Variants in POLR3H observed in about 807,000 individuals in gnomAD.
POLR3H encodes DNA-directed RNA polymerase III subunit RPC8.
Under a neutral mutation model 25.5 loss-of-function variants are expected in POLR3H, and 17 were observed. That is an observed-to-expected ratio of 0.67 (90% confidence interval 0.46 to 1.00). The LOEUF (loss-of-function observed/expected upper bound fraction) is 1.00. Among genes scored for constraint, POLR3H ranks in the 50% least tolerant of loss-of-function variants. The pLI, the probability that POLR3H is intolerant of heterozygous loss-of-function variation, is 0.00. For synonymous variants in POLR3H, 129 were observed against 103.0 expected, an observed-to-expected ratio of 1.25 and a Z score of -1.53; for missense variants, 274 against 265.0, an observed-to-expected ratio of 1.03 and a Z score of -0.24.
Position 41,526,518 on chromosome 22 carries a change from A to G in POLR3H, c.*2765T>C. The G allele has an allele frequency of 1.3e-6, 2 of 1,541,436 alleles. No individual in the cohort carries two copies. The highest frequency in any genetic ancestry group is 1.8e-6 in the Non-Finnish European group (2 of 1,136,566). ...CTGAAGGGGCCTGCAAGGCAGGTGC[A>G]GGGAGGACATTAGGGGAGTGGAAAC... On this transcript the variant is annotated 3_prime_UTR_variant, in exon 6 of 6. Transcript: ENST00000355209.
intron 2 of POLR3H, among the ~76,000 whole-genome samples, chr22:41,537,662 G>C (rs529754844): frequency 6.6e-6 from 1 of 152,314 alleles, no homozygotes; most frequent in African/African-American, 2.4e-5. Flanking sequence ...CAGGAGACCA[G>C]AGCCAGAATT....
At chr22:41,535,601 C>T (rs900917065) in intron 2 of POLR3H, among the ~76,000 whole-genome samples, 2 of 151,240 alleles carry the variant, frequency 1.3e-5, no homozygotes, top group Non-Finnish European at 1.5e-5. Context: ...CCGAGGCGGG[C>T]GGATCACTTG....
intron 2 of POLR3H, chr22:41,540,303 T>G (rs2066908891): frequency 8.6e-6 from 3 of 348,110 alleles, no homozygotes; most frequent in Non-Finnish European, 1.7e-5. Flanking sequence ...AGCTATGAAG[T>G]CAGAGCTGAA....
In POLR3H at chr22:41,527,606, G is replaced by A. The variant is rs1467210621; in HGVS notation, c.*1677C>T. The A allele has an allele frequency of 1.0e-5, 9 of 891,310 alleles. No homozygotes were observed. Among genetic ancestry groups the A allele is most frequent in the African/African-American group, 3.4e-5 (2 of 59,254 alleles). 55.2% of individuals were successfully genotyped at this position (891,310 alleles called of 1,614,324 possible). On this transcript the variant is annotated 3_prime_UTR_variant, in exon 6 of 6. Coordinates refer to ENST00000355209, the MANE Select transcript of POLR3H (RefSeq NM_001018050.4). The stretch of plus-strand genomic sequence containing the variant: ...CCGACGCTCAGCTTCCCGGCTTCCC[G>A]CAGGCCCTGCTTCCAGGCTTGTAGA...
In POLR3H at chr22:41,526,773, C is replaced by T. The variant is rs1412739732; in HGVS notation, c.*2510G>A. On this transcript the variant is annotated 3_prime_UTR_variant, in exon 6 of 6. Coordinates refer to ENST00000355209, the MANE Select transcript of POLR3H (RefSeq NM_001018050.4). Reference sequence around the variant, plus strand: ...CCAAAAGCTCAGAGAGGGGGCTACACGGGGCCTCACAGTGAGCAGGCAGAG... The same window carrying T: ...CCAAAAGCTCAGAGAGGGGGCTACATGGGGCCTCACAGTGAGCAGGCAGAG... 15 of 349,080 alleles carry T rather than the reference C, an allele frequency of 4.3e-5. No individual in the cohort carries two copies. The highest frequency in any genetic ancestry group is 3.7e-4 in the East Asian group (7 of 18,988). 21.6% of individuals were successfully genotyped at this position (349,080 alleles called of 1,614,324 possible).
chr22:41,528,346 A>AG lies in POLR3H; in HGVS notation c.*936dup. On this transcript the variant is annotated 3_prime_UTR_variant, in exon 6 of 6. Transcript: ENST00000355209. ...GGGTCTGACCTGGGCCATCAGGCAC[A>AG]GACTGGCCTAGGATTTGGTTTGCCT... 1.5e-6 allele frequency: 2 copies of AG among 1,314,614 alleles called. No individual in the cohort carries two copies. The highest frequency in any genetic ancestry group is 2.1e-6 in the Non-Finnish European group (2 of 972,718). 81.4% of individuals were successfully genotyped at this position (1,314,614 alleles called of 1,614,324 possible). A position where few individuals can be genotyped will look rare whatever the true frequency, so the allele number is the denominator to read the frequency against.
In POLR3H at chr22:41,529,285, A is replaced by T; in HGVS notation, c.613T>A (p.Ter205LysextTer25). ...LGLLSWWTSN[*>K] The stretch of plus-strand genomic sequence containing the variant: ...GGGTCCACTGTCCAGCCCCAGGGCT[A>T]GTTGCTGGTCCACCAGGAGAGAAGG... Residue 205 changes from the stop codon to lysine, a stop_lost, in exon 6 of 6, where the codon TAG (stop) becomes AAG (lysine). Coordinates refer to ENST00000355209, the MANE Select transcript of POLR3H (RefSeq NM_001018050.4). 1 of 1,613,154 alleles carries T rather than the reference A, an allele frequency of 6.2e-7. No individual in the cohort carries two copies. The highest frequency in any genetic ancestry group is 8.5e-7 in the Non-Finnish European group (1 of 1,179,574).
In POLR3H at chr22:41,526,448, T is replaced by A; in HGVS notation, c.*2835A>T. 1 of 1,611,482 alleles carries A rather than the reference T, an allele frequency of 6.2e-7. No homozygotes were observed. The highest frequency in any genetic ancestry group is 8.5e-7 in the Non-Finnish European group (1 of 1,178,344). ...CCCCGTCCCTGACACTGCCCGCTAC[T>A]ACAAGGTGGGTCAGAGTTGATAGGG... On this transcript the variant is annotated 3_prime_UTR_variant, in exon 6 of 6. Transcript: ENST00000355209.
chr22:41,536,162 G>A (rs1298096664), intron 2 of POLR3H, among the ~76,000 whole-genome samples: 2 of 151,412 alleles, frequency 1.3e-5, no homozygotes, highest in Non-Finnish European at 3.0e-5. Flanking sequence ...GGAGCCCAAG[G>A]CGGGCGGATC....
chr22:41,532,403 C>A (rs192200694), intron 3 of POLR3H, among the ~76,000 whole-genome samples: 1 of 152,322 alleles, frequency 6.6e-6, no homozygotes, highest in Admixed American at 6.5e-5. Context: ...GGCCAGTGGG[C>A]GCTAAAGACT....
rs762056487 is a variant in POLR3H at position 41,543,993 on chromosome 22, T to C, written c.109A>G (p.Lys37Glu). ...AEELNKKLAN[K>E]VVYNVGLCIC... ...CCCGCGAGCCGTGGGCCCAGTACCT[T>C]GTTGGCCAACTTCTTGTTCAGCTCC... The change falls in exon 1 of 6, where the codon AAG (lysine) becomes GAG (glutamate). Residue 37 changes from lysine (K) to glutamate (E), a missense_variant and splice_region_variant. Physicochemically the swap from Lys to Glu is moderately conservative, Grantham distance 56. Transcript: ENST00000355209. 17 of 1,611,778 alleles carry C rather than the reference T, an allele frequency of 1.1e-5. No homozygotes were observed. The Admixed American group carries it at 1.7e-4, about 16-fold the overall frequency.
rs542939819 is a variant in POLR3H, at chr22:41,544,178, C to T, written c.-77G>A. 2.3e-6 allele frequency: 2 copies of T among 877,270 alleles called. No individual in the cohort carries two copies. The highest frequency in any genetic ancestry group is 3.6e-6 in the Non-Finnish European group (2 of 554,694). The allele number at this position is 877,270 out of a possible 1,614,324, so 54.3% of individuals were successfully genotyped here. A position where few individuals can be genotyped will look rare whatever the true frequency, so the allele number is the denominator to read the frequency against. ...GCCGGGGGCAGGGAGAATCCCCGAGCCCCTTGGTCCCGTCCCAGTCGCTGA... is the reference window on the plus strand; with the variant it reads ...GCCGGGGGCAGGGAGAATCCCCGAGTCCCTTGGTCCCGTCCCAGTCGCTGA... On this transcript the variant is annotated 5_prime_UTR_variant, in exon 1 of 6. Transcript: ENST00000355209.
chr22:41,537,217 G>T (rs941986695), intron 2 of POLR3H, among the ~76,000 whole-genome samples: 5 of 152,354 alleles, frequency 3.3e-5, no homozygotes, highest in Admixed American at 2.0e-4. Flanking sequence ...CTAGACCACA[G>T]CTTCACTCAG....
chr22:41,531,993 C>T, intron 4 of POLR3H, 101 bp downstream of exon 4: 1 of 1,008,980 alleles, frequency 9.9e-7, no homozygotes, highest in Non-Finnish European at 1.6e-6. Context: ...AGGCCAGTGA[C>T]ATCAGGTTAC....
rs755880021 is a variant in POLR3H at position 41,530,759 on chromosome 22, T to C, written c.489A>G (p.Thr163=). The part of the protein sequence containing the change: ...VDESFVDTSP[T]GPSSADATTS... The stretch of plus-strand genomic sequence containing the variant: ...TGGTGGCATCTGCTGAGCTGGGCCC[T>C]GTGGGGGACGTGTCAACAAAGCTCT... Residue 163 remains threonine (T), a synonymous_variant, in exon 5 of 6, where the codon ACA becomes ACG. Coordinates refer to ENST00000355209, the MANE Select transcript of POLR3H (RefSeq NM_001018050.4). The C allele has an allele frequency of 5.8e-5, 94 of 1,613,932 alleles. 1 individual carries two copies. The highest frequency in any genetic ancestry group is 7.5e-5 in the Non-Finnish European group (89 of 1,180,046).
At chr22:41,534,619 C>T (rs544587860) in intron 2 of POLR3H, among the ~76,000 whole-genome samples, 5 of 152,066 alleles carry the variant, frequency 3.3e-5, no homozygotes, top group South Asian at 2.1e-4. Flanking sequence ...GCCCCGCGCA[C>T]GGTGGCTCAA....
chr22:41,525,984 G>A lies in POLR3H; in HGVS notation c.*3299C>T. 2.6e-6 allele frequency: 1 copy of A among 378,052 alleles called. No homozygotes were observed. Among genetic ancestry groups the A allele is most frequent in the Non-Finnish European group, 4.8e-6 (1 of 207,810 alleles). 23.4% of individuals were successfully genotyped at this position (378,052 alleles called of 1,614,324 possible). A position where few individuals can be genotyped will look rare whatever the true frequency, so the allele number is the denominator to read the frequency against. On this transcript the variant is annotated 3_prime_UTR_variant, in exon 6 of 6. Transcript: ENST00000355209. ...ATCTTGCAGCTGAGGCCTGAAGGGT[G>A]AGCGAACATTGACCTGTCCCAACTT...
rs1418017017 is a variant in POLR3H at position 41,530,737 on chromosome 22, T to C, written c.511A>G (p.Thr171Ala). ...TTTGGCAGCTCCTCACTGGAAGTGG[T>C]GGCATCTGCTGAGCTGGGCCCTGTG... is the stretch of plus-strand genomic sequence containing the variant. ...SPTGPSSADATTSSEELPKKE... is the reference protein window; with the variant it reads ...SPTGPSSADAATSSEELPKKE... Residue 171 changes from threonine to alanine, a missense_variant, in exon 5 of 6, where the codon ACC becomes GCC. Thr to Ala is a moderately conservative substitution (Grantham distance 58, BLOSUM62 0). Transcript: ENST00000355209. The C allele has an allele frequency of 6.2e-7, 1 of 1,613,916 alleles. No individual in the cohort carries two copies. Among genetic ancestry groups the C allele is most frequent in the Non-Finnish European group, 8.5e-7 (1 of 1,180,038 alleles).
Position 41,529,359 on chromosome 22 carries a change from A to C in POLR3H, c.562-23T>G, listed in dbSNP as rs779929119. On this transcript the variant is annotated intron_variant, in intron 5 of 5. Transcript: ENST00000355209. Reference sequence around the variant, plus strand: ...TCCCTGCCAGGGATAAAGAACACGCACATTTCACTGACATGCTGGCTTGAA... The same window carrying C: ...TCCCTGCCAGGGATAAAGAACACGCCCATTTCACTGACATGCTGGCTTGAA... 1.9e-6 allele frequency: 3 copies of C among 1,612,274 alleles called. No homozygotes were observed. In the South Asian group the frequency reaches 3.3e-5, roughly 18 times the overall value.
Sources: gnomAD v4.1 joint callset for allele counts (sites outside exome capture counted in the v4.1 genomes callset) on GRCh38, gnomAD v4.1.1 for gene constraint, MANE v1.5 for transcripts, NCBI Gene and HGNC (gene_info 2026-07-23, HGNC 2026-07-21) for gene names.